The following LRRTM4 variants were observed in gnomAD, a reference collection of about 807,000 sequenced individuals.
The protein encoded by LRRTM4 is leucine rich repeat transmembrane neuronal 4.
In LRRTM4, 25 loss-of-function variants were observed where a neutral mutation model predicts 47.6. The observed-to-expected ratio is 0.53, with a 90% CI of 0.38 to 0.73. The LOEUF is 0.73. LRRTM4 is among the 30% of genes least tolerant of loss of function. LRRTM4 has a pLI of 0.00. For missense variants in LRRTM4, 638 were observed against 713.4 expected (o/e 0.89, Z 1.20); for synonymous variants, 311 against 269.5 (o/e 1.15, Z -1.51).
In LRRTM4 at chr2:77,393,602, A is replaced by C. The variant is rs143760931; in HGVS notation, c.1551+124716T>G. ...CGGAAGGCTCTGGGGAAATATTGGCAAGATTTTAGCAGACAAGTCACTGTG... is the reference window on the plus strand; with the variant it reads ...CGGAAGGCTCTGGGGAAATATTGGCCAGATTTTAGCAGACAAGTCACTGTG... On this transcript the variant is annotated intron_variant, in intron 3 of 3. Transcript: ENST00000409884. Among the ~76,000 whole-genome samples the C allele has an allele frequency of 5.8e-3, 888 of 152,156 alleles. 8 individuals carry two copies. The highest frequency in any genetic ancestry group is 0.021 in the African/African-American group (853 of 41,552).
In LRRTM4 at chr2:77,232,036, T is replaced by A. The variant is rs539601386; in HGVS notation, c.1551+286282A>T. Among the ~76,000 whole-genome samples the A allele has an allele frequency of 1.1e-3, 166 of 152,334 alleles. 1 individual carries two copies. The highest frequency in any genetic ancestry group is 3.8e-3 in the African/African-American group (158 of 41,576). On this transcript the variant is annotated intron_variant, in intron 3 of 3. Coordinates refer to ENST00000409884, the MANE Select transcript of LRRTM4 (RefSeq NM_001134745.3). ...AATAAATTCTAGCAAAGCAAAGTTGTTACATGTGTACTAACCATAGCATTG... is the reference window on the plus strand; with the variant it reads ...AATAAATTCTAGCAAAGCAAAGTTGATACATGTGTACTAACCATAGCATTG...
At chr2:77,485,729 C>A (rs1677886082) in intron 3 of LRRTM4, among the ~76,000 whole-genome samples, 1 of 152,058 alleles carries the variant, frequency 6.6e-6, no homozygotes, top group African/African-American at 2.4e-5. Context: ...GAGGGGATGA[C>A]ACTATTATTA....
At chr2:77,014,986 A>T (rs981829811) in intron 3 of LRRTM4, among the ~76,000 whole-genome samples, 2 of 152,064 alleles carry the variant, frequency 1.3e-5, no homozygotes, top group Admixed American at 6.6e-5. Flanking sequence ...CACTACTTTT[A>T]ATGTTTTTGT....
intron 3 of LRRTM4, among the ~76,000 whole-genome samples, chr2:76,845,248 T>C (rs1914509): frequency 0.096 from 14,593 of 152,172 alleles, 1,144 homozygotes; most frequent in East Asian, 0.33. Flanking sequence ...TCCAACACTT[T>C]GGGAGGCTGA....
At chr2:77,469,646 G>T (rs1677108937) in intron 3 of LRRTM4, among the ~76,000 whole-genome samples, 1 of 151,996 alleles carries the variant, frequency 6.6e-6, no homozygotes, top group African/African-American at 2.4e-5. Context: ...GATGAATTGT[G>T]GCAAACTAAA....
chr2:77,304,410 T>C (rs1677218250), intron 3 of LRRTM4, among the ~76,000 whole-genome samples: 1 of 152,142 alleles, frequency 6.6e-6, no homozygotes, highest in Non-Finnish European at 1.5e-5. Context: ...AATGCCAAGT[T>C]CCTGAATCCA....
chr2:76,872,972 G>A (rs1672669121), intron 3 of LRRTM4, among the ~76,000 whole-genome samples: 1 of 151,970 alleles, frequency 6.6e-6, no homozygotes, highest in African/African-American at 2.4e-5. Flanking sequence ...AAACTTTTGA[G>A]GCCCCCAGCA....
At chr2:77,300,643 A>G (rs566301935) in intron 3 of LRRTM4, among the ~76,000 whole-genome samples, 1 of 152,320 alleles carries the variant, frequency 6.6e-6, no homozygotes, top group Admixed American at 6.5e-5. Context: ...TATATAATAT[A>G]ACATGCAAGC....
chr2:76,843,936 C>G (rs1422192473), intron 3 of LRRTM4, among the ~76,000 whole-genome samples: 4 of 135,880 alleles, frequency 2.9e-5, no homozygotes, highest in Non-Finnish European at 4.6e-5. Context: ...GAGATGGAGT[C>G]TCATGCCCAG....
chr2:77,453,081 C>A (rs1056479105), intron 3 of LRRTM4, among the ~76,000 whole-genome samples: 1 of 149,932 alleles, frequency 6.7e-6, no homozygotes, highest in Non-Finnish European at 1.5e-5. Flanking sequence ...TATTTAAATT[C>A]TAATATCCAT....
intron 3 of LRRTM4, among the ~76,000 whole-genome samples, chr2:77,438,086 CAG>C (rs1675674592): frequency 6.6e-6 from 1 of 152,054 alleles, no homozygotes; most frequent in Non-Finnish European, 1.5e-5. Context: ...ATTCTTATTT[CAG>C]AGTCTATAAA....
Position 76,864,962 on chromosome 2 carries a change from C to T in LRRTM4, c.1552-116046G>A, listed in dbSNP as rs1425720102. ...ATGTTGCCCAGGCTGGTCTCAATCT[C>T]CTGGCTCAAGCGATTCTTCTGCCTC... On this transcript the variant is annotated intron_variant, in intron 3 of 3. Transcript: ENST00000409884. Among the ~76,000 whole-genome samples the T allele has an allele frequency of 4.0e-5, 6 of 151,180 alleles. 1 individual carries two copies. Among genetic ancestry groups the T allele is most frequent in the Admixed American group, 4.0e-4 (6 of 15,134 alleles).
At chr2:76,886,173 A>C (rs1673070749) in intron 3 of LRRTM4, among the ~76,000 whole-genome samples, 1 of 152,216 alleles carries the variant, frequency 6.6e-6, no homozygotes, top group Non-Finnish European at 1.5e-5. Context: ...TACAAAATTT[A>C]AAAGGTGTAT....
intron 3 of LRRTM4, chr2:76,773,163 G>A (rs1442368933): frequency 6.6e-6 from 1 of 152,308 alleles, no homozygotes; most frequent in East Asian, 1.9e-4. Context: ...TAATCATCAG[G>A]AATAATGGCG....
intron 3 of LRRTM4, among the ~76,000 whole-genome samples, chr2:77,090,428 C>T (rs774256250): frequency 5.9e-5 from 9 of 152,100 alleles, no homozygotes; most frequent in East Asian, 1.9e-4. Flanking sequence ...AATCTGCTCC[C>T]GACATTAAAT....
rs150024223 is a variant in LRRTM4, at chr2:77,470,540, G to A, written c.1551+47778C>T. 5.9e-5 allele frequency among the ~76,000 whole-genome samples: 9 copies of A among 152,234 alleles called. No individual in the cohort carries two copies. The East Asian group carries it at 7.7e-4, about 13-fold the overall frequency. On this transcript the variant is annotated intron_variant, in intron 3 of 3. Coordinates refer to ENST00000409884, the MANE Select transcript of LRRTM4 (RefSeq NM_001134745.3). ...GCAGAAAGGTGAATCAGTTGAGTAAGCATTAAGTCCAAGGAATGTTACATC... is the reference window on the plus strand; with the variant it reads ...GCAGAAAGGTGAATCAGTTGAGTAAACATTAAGTCCAAGGAATGTTACATC...
chr2:77,517,683 GAAAGAAGGAAACAA>G (rs2104121540), intron 3 of LRRTM4: 2 of 938,240 alleles, frequency 2.1e-6, no homozygotes, highest in Admixed American at 1.7e-4. Flanking sequence ...AAGAAAGTAG[GAAAGAAGGAAACAA>G]AAAAAAAAAA....
At chr2:77,448,342 T>A (rs1198992439) in intron 3 of LRRTM4, among the ~76,000 whole-genome samples, 2 of 152,164 alleles carry the variant, frequency 1.3e-5, no homozygotes, top group African/African-American at 4.8e-5. Flanking sequence ...GCCTTTTACA[T>A]AAGAGACGAA....
rs571248744 is a variant in LRRTM4 at position 77,337,317 on chromosome 2, C to T, written c.1551+181001G>A. Among the ~76,000 whole-genome samples the T allele has an allele frequency of 2.5e-4, 38 of 152,096 alleles. No homozygotes were observed. In the South Asian group the frequency reaches 4.2e-3, roughly 17 times the overall value. On this transcript the variant is annotated intron_variant, in intron 3 of 3. Coordinates refer to ENST00000409884, the MANE Select transcript of LRRTM4 (RefSeq NM_001134745.3). ...TGTCCAAAGGAATCTCCAAATTTAACGCTATTCCTTTCAAATTATCAATGT... is the reference window on the plus strand; with the variant it reads ...TGTCCAAAGGAATCTCCAAATTTAATGCTATTCCTTTCAAATTATCAATGT...
Sources: gnomAD v4.1 joint callset for allele counts (sites outside exome capture counted in the v4.1 genomes callset) on GRCh38, gnomAD v4.1.1 for gene constraint, MANE v1.5 for transcripts, NCBI Gene and HGNC (gene_info 2026-07-23, HGNC 2026-07-21) for gene names.